Variants in ADAM21 observed in about 807,000 individuals in gnomAD.
ADAM21 encodes ADAM metallopeptidase domain 21, also known as disintegrin and metalloproteinase domain-containing protein 21.
For missense variants in ADAM21, 678 were observed against 874.4 expected (o/e 0.78, Z 2.83); for synonymous variants, 262 against 306.0 (o/e 0.86, Z 1.50).
Position 70,458,801 on chromosome 14 carries a change from T to C in ADAM21, c.1302T>C (p.Cys434=). The C allele has an allele frequency of 4.3e-6, 7 of 1,614,218 alleles. No homozygotes were observed. Among genetic ancestry groups the C allele is most frequent in the Non-Finnish European group, 5.1e-6 (6 of 1,180,030 alleles). ...SVQQCEQDAC[C]LLNCTLRPGA... ...AGCAGTGTGAACAAGACGCCTGTTG[T>C]CTGTTGAACTGCACTCTAAGGCCTG... is the stretch of plus-strand genomic sequence containing the variant. The change falls in exon 2 of 2, where the codon TGT becomes TGC. Residue 434 remains cysteine (C), a synonymous_variant. Coordinates refer to ENST00000603540, the MANE Select transcript of ADAM21 (RefSeq NM_003813.4).
At chr14:70,454,429 C>G (rs1889078569) in intron 1 of ADAM21, among the ~76,000 whole-genome samples, 9 of 151,998 alleles carry the variant, frequency 5.9e-5, no homozygotes, top group Admixed American at 5.9e-4. Context: ...TTAGGACTCT[C>G]TAGAGTCAAA....
rs1482511090 is a variant in ADAM21, at chr14:70,457,346, C to T, written c.-151-3C>T. On this transcript the variant is annotated splice_polypyrimidine_tract_variant and splice_region_variant and intron_variant, in intron 1 of 1. Coordinates refer to ENST00000603540, the MANE Select transcript of ADAM21 (RefSeq NM_003813.4). ...CAACCCATCTTTTTATTTTTACTTC[C>T]AGCACTGCAGTTCTGATCTAACTCT... The T allele has an allele frequency of 4.6e-6, 5 of 1,094,812 alleles. No homozygotes were observed. Among genetic ancestry groups the T allele is most frequent in the East Asian group, 5.0e-5 (2 of 39,980 alleles). 67.8% of individuals were successfully genotyped at this position (1,094,812 alleles called of 1,614,324 possible). A position where few individuals can be genotyped will look rare whatever the true frequency, so the allele number is the denominator to read the frequency against.
chr14:70,458,654 G>A lies in ADAM21; in HGVS notation c.1155G>A (p.Lys385=), dbSNP rs762032808. 15 of 1,613,744 alleles carry A rather than the reference G, an allele frequency of 9.3e-6. No homozygotes were observed. The highest frequency in any genetic ancestry group is 7.6e-6 in the Non-Finnish European group (9 of 1,179,992). The change falls in exon 2 of 2, where the codon AAG becomes AAA. Residue 385 remains lysine (K), a synonymous_variant. Coordinates refer to ENST00000603540, the MANE Select transcript of ADAM21 (RefSeq NM_003813.4). The stretch of plus-strand genomic sequence containing the variant: ...ATTGCAGTTACGCTGATTTTATGAA[G>A]ACCACCTTAAACCAGGGATCATGTC... The part of the protein sequence containing the change: ...FTNCSYADFM[K]TTLNQGSCLH...
In ADAM21 at chr14:70,459,300, A is replaced by G. The variant is rs199590904; in HGVS notation, c.1801A>G (p.Ile601Val). The G allele has an allele frequency of 3.3e-5, 53 of 1,614,224 alleles. No homozygotes were observed. In the East Asian group the frequency reaches 1.1e-3, roughly 35 times the overall value. ...TATTGACTATCATTTAAGGATGAAC[A>G]TATCTGACATTGGTGAAGTGAAAGA... is the stretch of plus-strand genomic sequence containing the variant. ...WGIDYHLRMN[I>V]SDIGEVKDGT... The change falls in exon 2 of 2, where the codon ATA becomes GTA. Residue 601 changes from isoleucine (I) to valine (V), a missense_variant. By Grantham distance (29) the Ile-to-Val change is conservative (BLOSUM62 3). Transcript: ENST00000603540.
At chr14:70,453,744 G>A (rs1889070325) in intron 1 of ADAM21, among the ~76,000 whole-genome samples, 1 of 152,166 alleles carries the variant, frequency 6.6e-6, no homozygotes, top group Non-Finnish European at 1.5e-5. Context: ...GAGATATAGA[G>A]AGCAAATCTG....
At chr14:70,453,147 A>T (rs906117309) in intron 1 of ADAM21, among the ~76,000 whole-genome samples, 1 of 152,124 alleles carries the variant, frequency 6.6e-6, no homozygotes, top group African/African-American at 2.4e-5. Context: ...CTGTGTGTGC[A>T]AGGTTGCTAA....
chr14:70,458,219 C>T lies in ADAM21; in HGVS notation c.720C>T (p.Asn240=). The change falls in exon 2 of 2, where the codon AAC becomes AAT. Residue 240 remains asparagine (N), a synonymous_variant. Transcript: ENST00000603540. ...KVQEDVFLVV[N]IVDSMYKQLG... The stretch of plus-strand genomic sequence containing the variant: ...AAGAGGATGTATTTCTTGTTGTCAA[C>T]ATAGTGGATTCCATGTATAAGCAGT... The T allele has an allele frequency of 3.7e-6, 6 of 1,613,844 alleles. No individual in the cohort carries two copies. The highest frequency in any genetic ancestry group is 5.1e-6 in the Non-Finnish European group (6 of 1,179,960).
rs144784763 is a variant in ADAM21 at position 70,454,229 on chromosome 14, G to A, written c.-152+1966G>A. Among the ~76,000 whole-genome samples, 65 of 152,210 alleles carry A rather than the reference G, an allele frequency of 4.3e-4. No individual in the cohort carries two copies. In the East Asian group the frequency reaches 7.7e-3, roughly 18 times the overall value. On this transcript the variant is annotated intron_variant, in intron 1 of 1. Coordinates refer to ENST00000603540, the MANE Select transcript of ADAM21 (RefSeq NM_003813.4). ...TTTTATATCTCTATTCCTTAGGCTG[G>A]GGATCCAGGACAAGCCATTTCAGTT... is the stretch of plus-strand genomic sequence containing the variant.
rs1889065610 is a variant in ADAM21 at position 70,453,411 on chromosome 14, T to C, written c.-152+1148T>C. 2.6e-5 allele frequency: 4 copies of C among 152,348 alleles called. No individual in the cohort carries two copies. In the South Asian group the frequency reaches 8.3e-4, roughly 32 times the overall value. 9.4% of individuals were successfully genotyped at this position (152,348 alleles called of 1,614,324 possible). A position where few individuals can be genotyped will look rare whatever the true frequency, so the allele number is the denominator to read the frequency against. On this transcript the variant is annotated intron_variant, in intron 1 of 1. Coordinates refer to ENST00000603540, the MANE Select transcript of ADAM21 (RefSeq NM_003813.4). ...AGAAGAGGGCTGTTGGCTCACCTGA[T>C]AGTCCGCTGACATTAGAGGACATGG...
chr14:70,458,217 A>G lies in ADAM21; in HGVS notation c.718A>G (p.Asn240Asp), dbSNP rs1265225505. Residue 240 changes from asparagine to aspartate, a missense_variant, in exon 2 of 2, where the codon AAC becomes GAC. Physicochemically the swap from Asn to Asp is conservative, Grantham distance 23. Coordinates refer to ENST00000603540, the MANE Select transcript of ADAM21 (RefSeq NM_003813.4). ...KVQEDVFLVV[N>D]IVDSMYKQLG... ...GCAAGAGGATGTATTTCTTGTTGTC[A>G]ACATAGTGGATTCCATGTATAAGCA... 6.2e-7 allele frequency: 1 copy of G among 1,613,924 alleles called. No homozygotes were observed. The highest frequency in any genetic ancestry group is 1.7e-5 in the Admixed American group (1 of 60,010).
chr14:70,455,380 G>A (rs1431223715), intron 1 of ADAM21, among the ~76,000 whole-genome samples: 1 of 152,142 alleles, frequency 6.6e-6, no homozygotes, highest in Non-Finnish European at 1.5e-5. Context: ...CACAGTCAGA[G>A]GTGAAATTAA....
rs1429563514 is a variant in ADAM21, at chr14:70,459,216, C to G, written c.1717C>G (p.Leu573Val). 6.2e-7 allele frequency: 1 copy of G among 1,613,922 alleles called. No homozygotes were observed. The highest frequency in any genetic ancestry group is 8.5e-7 in the Non-Finnish European group (1 of 1,180,014). Residue 573 changes from leucine (L) to valine (V), a missense_variant, in exon 2 of 2, where the codon CTT becomes GTT. Leu to Val is a conservative substitution (Grantham distance 32, BLOSUM62 1). Transcript: ENST00000603540. ...VQCENVRDIP[L>V]LQDHFTLQHT... ...ATGTGAGAATGTGAGAGACATTCCT[C>G]TTCTCCAAGATCATTTTACTTTGCA... is the stretch of plus-strand genomic sequence containing the variant.
chr14:70,457,994 G>A lies in ADAM21; in HGVS notation c.495G>A (p.Glu165=). Residue 165 remains glutamate (E), a synonymous_variant, in exon 2 of 2, where the codon GAG becomes GAA. Transcript: ENST00000603540. ...TGGTTTATAAGATAAACAGTAATGA[G>A]ACACAATTCCCAGCTATGAGATGTG... ...EHLVYKINSN[E]TQFPAMRCGL... is the part of the protein sequence containing the mutation. 1.2e-6 allele frequency: 2 copies of A among 1,611,938 alleles called. No individual in the cohort carries two copies. Among genetic ancestry groups the A allele is most frequent in the Non-Finnish European group, 1.7e-6 (2 of 1,178,916 alleles).
Position 70,459,598 on chromosome 14 carries a change from C to G in ADAM21, c.2099C>G (p.Thr700Ser), listed in dbSNP as rs1210391438. 6.2e-7 allele frequency: 1 copy of G among 1,614,070 alleles called. No individual in the cohort carries two copies. Residue 700 changes from threonine (T) to serine (S), a missense_variant, in exon 2 of 2, where the codon ACT (threonine) becomes AGT (serine). Coordinates refer to ENST00000603540, the MANE Select transcript of ADAM21 (RefSeq NM_003813.4). ...PSLSVLTFLF[T>S]VGLLMYLRQC... The stretch of plus-strand genomic sequence containing the variant: ...TTGTCTGTTTTGACTTTCCTGTTTA[C>G]TGTCGGGCTTCTTATGTATCTACGA...
In ADAM21 at chr14:70,459,225, G is replaced by T. The variant is rs762430712; in HGVS notation, c.1726G>T (p.Asp576Tyr). The T allele has an allele frequency of 6.2e-7, 1 of 1,614,050 alleles. No homozygotes were observed. The highest frequency in any genetic ancestry group is 8.5e-7 in the Non-Finnish European group (1 of 1,179,990). Residue 576 changes from aspartate to tyrosine, a missense_variant, in exon 2 of 2, where the codon GAT becomes TAT. By Grantham distance (160) the Asp-to-Tyr change is radical. Transcript: ENST00000603540. ...ENVRDIPLLQ[D>Y]HFTLQHTHIN... ...TGTGAGAGACATTCCTCTTCTCCAA[G>T]ATCATTTTACTTTGCAGCACACTCA...
intron 1 of ADAM21, among the ~76,000 whole-genome samples, chr14:70,456,630 T>C (rs1222203768): frequency 1.3e-5 from 2 of 152,216 alleles, no homozygotes; most frequent in Non-Finnish European, 2.9e-5. Context: ...TCCATACCCT[T>C]AAATGATGTC....
At chr14:70,454,503 AG>A (rs1161097605) in intron 1 of ADAM21, among the ~76,000 whole-genome samples, 1 of 152,162 alleles carries the variant, frequency 6.6e-6, no homozygotes, top group African/African-American at 2.4e-5. Flanking sequence ...TTGGAAGACA[AG>A]AACATTAAGA....
In ADAM21 at chr14:70,457,803, C is replaced by A. The variant is rs371816690; in HGVS notation, c.304C>A (p.Gln102Lys). 4.3e-6 allele frequency: 7 copies of A among 1,613,308 alleles called. No individual in the cohort carries two copies. In the African/African-American group the frequency reaches 6.7e-5, roughly 15 times the overall value. The change falls in exon 2 of 2, where the codon CAG becomes AAG. Residue 102 changes from glutamine to lysine, a missense_variant. Physicochemically the swap from Gln to Lys is moderately conservative, Grantham distance 53. Coordinates refer to ENST00000603540, the MANE Select transcript of ADAM21 (RefSeq NM_003813.4). The stretch of plus-strand genomic sequence containing the variant: ...AGATGACCGTGCACTCCTGGAGGAT[C>A]AGCTCTTCATCCCAGATGACTGTTA... ...YTDDRALLED[Q>K]LFIPDDCYYH... is the part of the protein sequence containing the mutation.
chr14:70,459,120 G>A lies in ADAM21; in HGVS notation c.1621G>A (p.Gly541Ser), dbSNP rs1328376946. The change falls in exon 2 of 2, where the codon GGT becomes AGT. Residue 541 changes from glycine (G) to serine (S), a missense_variant. Physicochemically the swap from Gly to Ser is moderately conservative, Grantham distance 56 (BLOSUM62 0). Transcript: ENST00000603540. ...AATCAATTCTCAGGGAAACCGTTTT[G>A]GTCACTGTGGTATAAATGGCACAAC... The part of the protein sequence containing the change: ...KEINSQGNRF[G>S]HCGINGTTYL... 7 of 1,612,034 alleles carry A rather than the reference G, an allele frequency of 4.3e-6. No homozygotes were observed. The African/African-American group carries it at 9.4e-5, about 22-fold the overall frequency.
Sources: gnomAD v4.1 joint callset for allele counts (sites outside exome capture counted in the v4.1 genomes callset) on GRCh38, gnomAD v4.1.1 for gene constraint, MANE v1.5 for transcripts, NCBI Gene and HGNC (gene_info 2026-07-23, HGNC 2026-07-21) for gene names.